CCSER1: variants seen among roughly 807,000 people sequenced by gnomAD.
CCSER1 encodes coiled-coil serine rich protein 1, also known as serine-rich coiled-coil domain-containing protein 1.
In CCSER1, 41 loss-of-function variants were observed where a neutral mutation model predicts 82.0. That is an observed-to-expected ratio of 0.50 (90% CI 0.39 to 0.65). The LOEUF is 0.65. CCSER1 is among the 30% of genes least tolerant of loss of function. The pLI, the probability that CCSER1 is intolerant of heterozygous loss-of-function variation, is 0.00. For missense variants in CCSER1, 1,119 were observed against 1,064.2 expected (o/e 1.05, Z -0.72); for synonymous variants, 414 against 383.9 (o/e 1.08, Z -0.92).
intron 8 of CCSER1, among the ~76,000 whole-genome samples, chr4:90,881,391 T>C: frequency 6.6e-6 from 1 of 152,076 alleles, no homozygotes; most frequent in East Asian, 1.9e-4. Context: ...GTTTGGGGAA[T>C]AGAAAGAAAA....
At chr4:91,307,829 G>A (rs969828420) in intron 10 of CCSER1, among the ~76,000 whole-genome samples, 3 of 151,902 alleles carry the variant, frequency 2.0e-5, no homozygotes, top group Non-Finnish European at 2.9e-5. Context: ...TTCATCAAGA[G>A]TGCTATTAAA....
At chr4:91,410,181 G>C (rs1041230860) in intron 10 of CCSER1, among the ~76,000 whole-genome samples, 1 of 152,126 alleles carries the variant, frequency 6.6e-6, no homozygotes, top group African/African-American at 2.4e-5. Context: ...CAAAAGCTTT[G>C]TAAGCAATTT....
intron 10 of CCSER1, among the ~76,000 whole-genome samples, chr4:91,118,256 G>A (rs1726798903): frequency 2.7e-5 from 4 of 149,202 alleles, no homozygotes; most frequent in Non-Finnish European, 5.9e-5. Flanking sequence ...TCTCTTTCTG[G>A]AAGAAGTAAC....
intron 1 of CCSER1, among the ~76,000 whole-genome samples, chr4:90,295,989 T>G (rs1023782003): frequency 6.6e-6 from 1 of 151,978 alleles, no homozygotes; most frequent in African/African-American, 2.4e-5. Context: ...AATTCTCCAA[T>G]GGAAGATATA....
chr4:90,180,387 G>A (rs1001160601), intron 1 of CCSER1, among the ~76,000 whole-genome samples: 4 of 151,992 alleles, frequency 2.6e-5, no homozygotes, highest in East Asian at 1.9e-4. Flanking sequence ...TCAGGAGTTC[G>A]AGACCAGACT....
At chr4:90,881,526 C>T (rs754780027) in intron 8 of CCSER1, among the ~76,000 whole-genome samples, 38 of 152,268 alleles carry the variant, frequency 2.5e-4, no homozygotes, top group Middle Eastern at 3.4e-3. Context: ...AATCCCAGCA[C>T]TTTAGGAGGC....
At chr4:90,941,622 A>G (rs955753753) in intron 9 of CCSER1, among the ~76,000 whole-genome samples, 1 of 152,212 alleles carries the variant, frequency 6.6e-6, no homozygotes, top group African/African-American at 2.4e-5. Context: ...ACTTCTCCTT[A>G]TAGTACTCTC....
At chr4:91,153,512 T>C (rs904992285) in intron 10 of CCSER1, among the ~76,000 whole-genome samples, 1 of 152,000 alleles carries the variant, frequency 6.6e-6, no homozygotes, top group African/African-American at 2.4e-5. Context: ...CCTTCTTCTC[T>C]CAACTTGTCA....
At chr4:90,158,893 G>A (rs912294729) in intron 1 of CCSER1, among the ~76,000 whole-genome samples, 12 of 151,962 alleles carry the variant, frequency 7.9e-5, no homozygotes, top group East Asian at 1.9e-4. Flanking sequence ...ACTGTCCTGC[G>A]CCCACTATCT....
chr4:91,171,761 C>T (rs895919151), intron 10 of CCSER1, among the ~76,000 whole-genome samples: 2 of 151,768 alleles, frequency 1.3e-5, no homozygotes, highest in Non-Finnish European at 2.9e-5. Context: ...ATTCACCTGA[C>T]AATTGGATAT....
chr4:90,304,240 C>G (rs1175851466), intron 1 of CCSER1, among the ~76,000 whole-genome samples: 2 of 152,168 alleles, frequency 1.3e-5, no homozygotes, highest in Non-Finnish European at 2.9e-5. Context: ...GTCAGTGTGG[C>G]GATTCCTCAG....
chr4:90,959,515 A>C (rs780886212), intron 9 of CCSER1, among the ~76,000 whole-genome samples: 1 of 152,152 alleles, frequency 6.6e-6, no homozygotes, highest in African/African-American at 2.4e-5. Flanking sequence ...TCTTTTATTT[A>C]AAACTTACTA....
intron 5 of CCSER1, among the ~76,000 whole-genome samples, chr4:90,518,684 C>T (rs1428737784): frequency 1.3e-5 from 2 of 151,930 alleles, no homozygotes; most frequent in African/African-American, 4.8e-5. Flanking sequence ...TAGAAAATAT[C>T]ATCTCAAACT....
chr4:91,549,137 G>T (rs1274498226), intron 10 of CCSER1, among the ~76,000 whole-genome samples: 2 of 151,836 alleles, frequency 1.3e-5, no homozygotes, highest in African/African-American at 2.4e-5. Flanking sequence ...TCTTAGCCAT[G>T]TATAGTCTAC....
chr4:90,728,184 A>G (rs1054586066), intron 7 of CCSER1, among the ~76,000 whole-genome samples: 2 of 152,164 alleles, frequency 1.3e-5, no homozygotes, highest in African/African-American at 4.8e-5. Flanking sequence ...TCTCCAAGGT[A>G]TGGCCACATT....
intron 5 of CCSER1, among the ~76,000 whole-genome samples, chr4:90,594,207 A>G (rs756426845): frequency 1.1e-4 from 16 of 152,032 alleles, no homozygotes; most frequent in East Asian, 1.9e-4. Flanking sequence ...CTTTTAACTG[A>G]TAAGTAAAGG....
chr4:90,729,879 A>C (rs1178515433), intron 7 of CCSER1, among the ~76,000 whole-genome samples: 1 of 152,162 alleles, frequency 6.6e-6, no homozygotes, highest in African/African-American at 2.4e-5. Flanking sequence ...CCATCTCAAA[A>C]AATAAATAAA....
chr4:90,460,204 A>G (rs1762707904), intron 4 of CCSER1, among the ~76,000 whole-genome samples: 1 of 147,642 alleles, frequency 6.8e-6, no homozygotes, highest in Non-Finnish European at 1.5e-5. Flanking sequence ...GCGTGCCTGT[A>G]GTCCCAGCTA....
chr4:91,098,237 A>G (rs183136802), intron 10 of CCSER1, among the ~76,000 whole-genome samples: 14 of 152,356 alleles, frequency 9.2e-5, no homozygotes, highest in African/African-American at 3.4e-4. Context: ...AGACTTGGAT[A>G]GACTTTGCAT....
Sources: gnomAD v4.1 joint callset for allele counts (sites outside exome capture counted in the v4.1 genomes callset) on GRCh38, gnomAD v4.1.1 for gene constraint, MANE v1.5 for transcripts, NCBI Gene and HGNC (gene_info 2026-07-23, HGNC 2026-07-21) for gene names.